The following NRG1 variants were observed in gnomAD, a reference collection of about 807,000 sequenced individuals.
The protein encoded by NRG1 is pro-neuregulin-1, membrane-bound isoform.
Under a neutral mutation model 63.8 loss-of-function variants are expected in NRG1, and 18 were observed. That is an observed-to-expected ratio of 0.28 (90% CI 0.19 to 0.42). NRG1 has a LOEUF of 0.42. NRG1 is among the 10% of genes least tolerant of loss of function. NRG1 has a pLI of 1.00. For synonymous variants in NRG1, 302 were observed against 301.3 expected, an observed-to-expected ratio of 1.00 and a Z score of -0.02; for missense variants, 762 against 814.7, an observed-to-expected ratio of 0.94 and a Z score of 0.79.
At chr8:31,834,290 C>T (rs1563459746) in intron 1 of NRG1, among the ~76,000 whole-genome samples, 1 of 66,834 alleles carries the variant, frequency 1.5e-5, no homozygotes, top group South Asian at 8.8e-4. Context: ...TCCCTTCATG[C>T]GTGTGCGCGC....
chr8:32,331,577 T>C (rs1802659494), intron 1 of NRG1, among the ~76,000 whole-genome samples: 1 of 152,122 alleles, frequency 6.6e-6, no homozygotes, highest in Non-Finnish European at 1.5e-5. Flanking sequence ...CAATTTAATA[T>C]GCATGAACAC....
chr8:31,957,852 G>A (rs545029695), intron 1 of NRG1, among the ~76,000 whole-genome samples: 14 of 152,236 alleles, frequency 9.2e-5, no homozygotes, highest in South Asian at 8.3e-4. Flanking sequence ...GAGAGAGAGC[G>A]CACTATTTCT....
intron 1 of NRG1, among the ~76,000 whole-genome samples, chr8:32,498,262 G>A (rs1464016151): frequency 6.6e-6 from 1 of 152,172 alleles, no homozygotes; most frequent in Non-Finnish European, 1.5e-5. Flanking sequence ...GCGAATTGTG[G>A]AGAAGTGACT....
At chr8:31,711,960 C>T (rs1302739914) in intron 1 of NRG1, among the ~76,000 whole-genome samples, 2 of 152,166 alleles carry the variant, frequency 1.3e-5, no homozygotes, top group African/African-American at 2.4e-5. Flanking sequence ...AATACCATCA[C>T]CTTGGAAGTT....
chr8:31,942,249 A>G (rs1801863375), intron 1 of NRG1, among the ~76,000 whole-genome samples: 1 of 152,102 alleles, frequency 6.6e-6, no homozygotes, highest in Non-Finnish European at 1.5e-5. Context: ...CTTACAGCCC[A>G]CTGATATTCA....
At chr8:32,310,827 C>T (rs1251269837) in intron 1 of NRG1, among the ~76,000 whole-genome samples, 1 of 152,184 alleles carries the variant, frequency 6.6e-6, no homozygotes, top group Non-Finnish European at 1.5e-5. Flanking sequence ...GAGCACTTCA[C>T]TTCATGCCCC....
intron 1 of NRG1, among the ~76,000 whole-genome samples, chr8:32,238,731 A>G (rs1270849226): frequency 6.6e-6 from 1 of 152,170 alleles, no homozygotes; most frequent in African/African-American, 2.4e-5. Context: ...TCAGAAGCTT[A>G]CCACACTTCT....
At chr8:32,145,570 C>T (rs1836784517) in intron 1 of NRG1, among the ~76,000 whole-genome samples, 2 of 152,176 alleles carry the variant, frequency 1.3e-5, no homozygotes, top group African/African-American at 4.8e-5. Context: ...CTGAAATCAA[C>T]TAGTGCTCTA....
At chr8:32,376,751 C>T (rs1415425230) in intron 1 of NRG1, among the ~76,000 whole-genome samples, 1 of 152,152 alleles carries the variant, frequency 6.6e-6, no homozygotes, top group Non-Finnish European at 1.5e-5. Flanking sequence ...CTGGCTGCTG[C>T]AGCTTTTGAT....
At chr8:32,134,055 G>A (rs1415023846) in intron 1 of NRG1, among the ~76,000 whole-genome samples, 1 of 152,142 alleles carries the variant, frequency 6.6e-6, no homozygotes, top group African/African-American at 2.4e-5. Context: ...CAGCTTATAG[G>A]TGGTTGGTTC....
Position 32,457,011 on chromosome 8 carries a change from A to G in NRG1, c.38-138817A>G, listed in dbSNP as rs140466865. Among the ~76,000 whole-genome samples, 1,171 of 152,290 alleles carry G rather than the reference A, an allele frequency of 7.7e-3. 13 individuals are homozygous for G. Among genetic ancestry groups the G allele is most frequent in the African/African-American group, 0.026 (1,072 of 41,554 alleles). Reference sequence around the variant, plus strand: ...GCTGGGCGTGGTGGTGGGTGCCTGTAGTCCCAGCTACTCAAGAGGTTGAGG... The same window carrying G: ...GCTGGGCGTGGTGGTGGGTGCCTGTGGTCCCAGCTACTCAAGAGGTTGAGG... On this transcript the variant is annotated intron_variant, in intron 1 of 10. Transcript: ENST00000519301.
At chr8:32,516,792 G>A (rs959507996) in intron 1 of NRG1, among the ~76,000 whole-genome samples, 6 of 152,054 alleles carry the variant, frequency 3.9e-5, no homozygotes, top group Non-Finnish European at 8.8e-5. Flanking sequence ...TAAAAGTCAC[G>A]TTTCTTAGTT....
At chr8:32,518,156 A>G (rs747455258) in intron 1 of NRG1, among the ~76,000 whole-genome samples, 8 of 152,166 alleles carry the variant, frequency 5.3e-5, no homozygotes, top group Admixed American at 3.3e-4. Context: ...GAACTTACTC[A>G]TCACATCCTT....
At chr8:32,357,910 C>T (rs933858234) in intron 1 of NRG1, among the ~76,000 whole-genome samples, 2 of 152,090 alleles carry the variant, frequency 1.3e-5, no homozygotes, top group African/African-American at 4.8e-5. Context: ...CAGTTGCCTT[C>T]CCCAGCATAA....
intron 6 of NRG1, among the ~76,000 whole-genome samples, chr8:32,740,493 G>A (rs569592217): frequency 6.4e-4 from 98 of 151,986 alleles, no homozygotes; most frequent in Non-Finnish European, 9.7e-4. Flanking sequence ...CACTGCGCCC[G>A]GCCAAGCTTA....
chr8:31,707,746 GA>G (rs1244747834), intron 1 of NRG1, among the ~76,000 whole-genome samples: 2 of 151,814 alleles, frequency 1.3e-5, no homozygotes, highest in African/African-American at 4.8e-5. Flanking sequence ...TGTTGTTAGT[GA>G]TTTCTATATG....
chr8:32,618,397 T>TA (rs922645772), intron 5 of NRG1, among the ~76,000 whole-genome samples: 3 of 152,114 alleles, frequency 2.0e-5, no homozygotes, highest in Non-Finnish European at 4.4e-5. Context: ...TTTGAGAATG[T>TA]AAAAAAATAC....
At chr8:31,853,200 G>A (rs1267212403) in intron 1 of NRG1, among the ~76,000 whole-genome samples, 3 of 152,106 alleles carry the variant, frequency 2.0e-5, no homozygotes, top group African/African-American at 4.8e-5. Flanking sequence ...ATTACCTTAG[G>A]CAGTAAGGTC....
intron 9 of NRG1, among the ~76,000 whole-genome samples, chr8:32,758,503 G>C (rs565702444): frequency 6.8e-6 from 1 of 147,168 alleles, no homozygotes. Context: ...CTTGAACCGG[G>C]AGGTGGAGGT....
Sources: allele counts gnomAD v4.1 joint callset (sites outside exome capture counted in the v4.1 genomes callset), GRCh38; gene constraint gnomAD v4.1.1; transcripts MANE v1.5; gene names NCBI Gene and HGNC (gene_info 2026-07-23, HGNC 2026-07-21).